HYDIN: variants seen among roughly 807,000 people sequenced by gnomAD.
The protein encoded by HYDIN is axonemal central pair apparatus protein HYDIN.
A neutral mutation model predicts 403.9 loss-of-function variants in HYDIN; 132 were observed. The observed-to-expected ratio is 0.33, with a 90% CI of 0.28 to 0.38. The LOEUF is 0.38. HYDIN is among the 10% of genes least tolerant of loss of function. The pLI, the probability that HYDIN is intolerant of heterozygous loss-of-function variation, is 1.00. For synonymous variants in HYDIN, 1,202 were observed against 1,891.7 expected (o/e 0.64, Z 9.46); for missense variants, 2,827 against 5,009.5 (o/e 0.56, Z 13.15).
At chr16:71,130,470 GTTTTTTTTTTTTTTT>G (rs56853905) in intron 8 of HYDIN, among the ~76,000 whole-genome samples, 3 of 75,786 alleles carry the variant, frequency 4.0e-5, no homozygotes, top group Admixed American at 3.2e-4. Flanking sequence ...ATATATACCG[GTTTTTTTTTTTTTTT>G]TTTTTTTTTT....
chr16:70,945,951 G>C (rs911374381), intron 41 of HYDIN, among the ~76,000 whole-genome samples: 4 of 152,218 alleles, frequency 2.6e-5, no homozygotes, highest in African/African-American at 9.6e-5. Context: ...AGGAACAGCA[G>C]AGGAGGGGAG....
chr16:71,163,422 C>T (rs1037462982), intron 5 of HYDIN, among the ~76,000 whole-genome samples: 12 of 152,168 alleles, frequency 7.9e-5, no homozygotes, highest in African/African-American at 2.2e-4. Context: ...CGCGCCCGGC[C>T]GATGTTTCTA....
chr16:70,897,317 C>G (rs28684487), intron 53 of HYDIN, among the ~76,000 whole-genome samples: 4,154 of 152,194 alleles, frequency 0.027, 103 homozygotes, highest in African/African-American at 0.094. Flanking sequence ...CCACCTCTGT[C>G]TCTGCTCCAG....
rs576221232 is a variant in HYDIN at position 71,153,520 on chromosome 16, G to A, written c.717-737C>T. On this transcript the variant is annotated intron_variant, in intron 6 of 85. Transcript: ENST00000393567. ...ATGGGGAGCAAGGAGACGTAGCCAA[G>A]GGAGACAGCAGCCCAGGTGGTCTCC... is the stretch of plus-strand genomic sequence containing the variant. Among the ~76,000 whole-genome samples the A allele has an allele frequency of 2.6e-5, 4 of 152,164 alleles. No homozygotes were observed. In the East Asian group the frequency reaches 7.8e-4, roughly 30 times the overall value.
Position 71,184,883 on chromosome 16 carries a change from C to T in HYDIN, c.243G>A (p.Gly81=), listed in dbSNP as rs1165667501. The T allele has an allele frequency of 3.7e-6, 6 of 1,606,778 alleles. No homozygotes were observed. Among genetic ancestry groups the T allele is most frequent in the South Asian group, 1.1e-5 (1 of 90,000 alleles). ...RPQIIELLDM[G]ETTHQKFSGI... ...CAGCTACCTTCTGATGTGTTGTTTC[C>T]CCCATATCTAAGAGTTCGATGATCT... The change falls in exon 3 of 86, where the codon GGG becomes GGA. Residue 81 remains glycine (G), a synonymous_variant. Transcript: ENST00000393567.
At chr16:70,871,063 G>A (rs1041318543) in intron 65 of HYDIN, among the ~76,000 whole-genome samples, 2 of 152,030 alleles carry the variant, frequency 1.3e-5, no homozygotes, top group Admixed American at 6.5e-5. Context: ...AGTAGTATCT[G>A]CCTTATAGCA....
chr16:71,217,214 T>C (rs1300398928), intron 1 of HYDIN, among the ~76,000 whole-genome samples: 1 of 152,232 alleles, frequency 6.6e-6, no homozygotes, highest in African/African-American at 2.4e-5. Flanking sequence ...TGTACAACTA[T>C]TGGCAAAAAT....
intron 10 of HYDIN, among the ~76,000 whole-genome samples, chr16:71,110,703 C>A (rs914629575): frequency 1.9e-4 from 28 of 150,438 alleles, no homozygotes; most frequent in Non-Finnish European, 2.1e-4. Flanking sequence ...GTAGCACAGG[C>A]TTGGGTCAGG....
Position 71,026,690 on chromosome 16 carries a change from C to T in HYDIN, c.3042+912G>A, listed in dbSNP as rs138491828. 1.2e-3 allele frequency among the ~76,000 whole-genome samples: 190 copies of T among 152,328 alleles called. 1 individual carries two copies. Among genetic ancestry groups the T allele is most frequent in the African/African-American group, 4.4e-3 (182 of 41,566 alleles). On this transcript the variant is annotated intron_variant, in intron 20 of 85. Transcript: ENST00000393567. Reference sequence around the variant, plus strand: ...TTTCCACAATGAGAGATAACCTCCCCTTTTGTTGAACTGAGGATGCGTTTT... The same window carrying T: ...TTTCCACAATGAGAGATAACCTCCCTTTTTGTTGAACTGAGGATGCGTTTT...
chr16:71,151,627 C>T (rs1022979658), intron 7 of HYDIN, among the ~76,000 whole-genome samples: 3 of 151,732 alleles, frequency 2.0e-5, no homozygotes, highest in South Asian at 2.1e-4. Context: ...TACTCTTTCC[C>T]CGGCTGTGCG....
chr16:70,920,758 G>C lies in HYDIN; in HGVS notation c.7618C>G (p.Arg2540Gly), dbSNP rs1166348628. ...KAERERLEKL[R>G]ALEERSDWEG... is the part of the protein sequence containing the mutation. ...CAGTCGCTCCGCTCCTCCAGGGCTC[G>C]CAGCTTCTCCAGGCGCTCCCGCTCC... is the stretch of plus-strand genomic sequence containing the variant. The change falls in exon 46 of 86, where the codon CGA (arginine) becomes GGA (glycine). Residue 2540 changes from arginine to glycine, a missense_variant. Transcript: ENST00000393567. 2.6e-6 allele frequency: 4 copies of C among 1,565,904 alleles called. No individual in the cohort carries two copies. The Admixed American group carries it at 5.7e-5, about 22-fold the overall frequency.
intron 85 of HYDIN, among the ~76,000 whole-genome samples, chr16:70,808,578 C>A (rs145281949): frequency 0.013 from 1,927 of 152,236 alleles, 19 homozygotes; most frequent in Non-Finnish European, 0.021. Context: ...TGAGCAGGGT[C>A]CCCTGCTGGC....
intron 75 of HYDIN, among the ~76,000 whole-genome samples, chr16:70,843,084 C>T (rs2037944618): frequency 6.7e-6 from 1 of 150,080 alleles, no homozygotes; most frequent in South Asian, 2.1e-4. Context: ...GGTACATGTG[C>T]ACATTGTGCA....
chr16:71,068,233 A>G (rs1482765260), intron 14 of HYDIN, among the ~76,000 whole-genome samples: 2 of 148,362 alleles, frequency 1.3e-5, no homozygotes, highest in Non-Finnish European at 1.5e-5. Flanking sequence ...TTTCAAGTCT[A>G]GAAAACAGCT....
At chr16:71,178,029 A>G (rs2086741624) in intron 4 of HYDIN, among the ~76,000 whole-genome samples, 1 of 152,218 alleles carries the variant, frequency 6.6e-6, no homozygotes, top group Admixed American at 6.5e-5. Context: ...AAAGAAGAAG[A>G]CAGAAAAAAA....
intron 1 of HYDIN, among the ~76,000 whole-genome samples, chr16:71,225,112 A>G (rs950483824): frequency 3.9e-5 from 6 of 152,188 alleles, no homozygotes; most frequent in Admixed American, 6.5e-5. Context: ...AGATTCCCCT[A>G]TGGGTGATTT....
At chr16:71,019,291 T>C (rs1243923051) in intron 22 of HYDIN, among the ~76,000 whole-genome samples, 1 of 152,278 alleles carries the variant, frequency 6.6e-6, no homozygotes, top group African/African-American at 2.4e-5. Flanking sequence ...TTGGGAAGAA[T>C]GGACACAGGA....
chr16:70,981,626 T>G, intron 28 of HYDIN, 58 bp from the exon 29 acceptor site: 1 of 1,483,362 alleles, frequency 6.7e-7, no homozygotes, highest in Non-Finnish European at 9.0e-7. Flanking sequence ...CAGGTTCAAC[T>G]CATTAAATTA....
At chr16:71,215,747 C>T (rs996991659) in intron 1 of HYDIN, among the ~76,000 whole-genome samples, 6 of 149,798 alleles carry the variant, frequency 4.0e-5, no homozygotes, top group Non-Finnish European at 7.4e-5. Flanking sequence ...AACTACTGTA[C>T]CAGAATATTT....
Sources: allele counts gnomAD v4.1 joint callset (sites outside exome capture counted in the v4.1 genomes callset), GRCh38; gene constraint gnomAD v4.1.1; transcripts MANE v1.5; gene names NCBI Gene and HGNC (gene_info 2026-07-23, HGNC 2026-07-21).